The following SLC12A5 variants were observed in gnomAD, a reference collection of about 807,000 sequenced individuals.
SLC12A5 encodes the protein K-Cl cotransporter 2.
A neutral mutation model predicts 124.0 loss-of-function variants in SLC12A5; 18 were observed. The ratio of observed to expected loss-of-function variants is 0.15; its 90% confidence interval spans 0.10 to 0.22. The LOEUF (loss-of-function observed/expected upper bound fraction) is 0.22. Ranked by LOEUF, SLC12A5 falls within the 10% of genes least tolerant of loss-of-function variation. The pLI is 1.00. For synonymous variants in SLC12A5, 589 were observed against 568.0 expected (o/e 1.04, Z -0.53); for missense variants, 867 against 1,478.7 (o/e 0.59, Z 6.78).
chr20:46,029,396 G>A lies in SLC12A5; in HGVS notation c.52G>A (p.Gly18Ser), dbSNP rs1399171674. Residue 18 changes from glycine to serine, a missense_variant and splice_region_variant, in exon 1 of 26, where the codon GGT becomes AGT. This residue lies in a region of SLC12A5 where 58 missense variants were observed against 52.2 expected (regional missense o/e 1.11). Coordinates refer to ENST00000243964, the MANE Select transcript of SLC12A5 (RefSeq NM_020708.5). ...CEDGDGGANP[G>S]DGNPKESSPF... Reference sequence around the variant, plus strand: ...GGACGGCGATGGGGGAGCCAACCCGGGTAAGCTGTGGTCCGGGGGCGGCGG... The same window carrying A: ...GGACGGCGATGGGGGAGCCAACCCGAGTAAGCTGTGGTCCGGGGGCGGCGG... The A allele has an allele frequency of 8.4e-6, 13 of 1,549,430 alleles. No homozygotes were observed. Among genetic ancestry groups the A allele is most frequent in the Middle Eastern group, 1.7e-4 (1 of 5,918 alleles).
At chr20:46,040,638 A>C in intron 7 of SLC12A5, 24 bp downstream of exon 7, 1 of 1,610,652 alleles carries the variant, frequency 6.2e-7, no homozygotes, top group Non-Finnish European at 8.5e-7. Context: ...CTCTGAGCCC[A>C]AGGAATCGTC....
intron 1 of SLC12A5, among the ~76,000 whole-genome samples, chr20:46,031,627 G>A (rs771603237): frequency 2.9e-4 from 44 of 152,166 alleles, no homozygotes; most frequent in Non-Finnish European, 1.3e-4. Context: ...GGGGTCTGAC[G>A]CCCCGTCTCC....
chr20:46,035,101 G>T (rs909624345), intron 2 of SLC12A5, 59 bp downstream of exon 2: 38 of 1,547,560 alleles, frequency 2.5e-5, no homozygotes, highest in Non-Finnish European at 2.7e-5. Context: ...TTCATCAGCT[G>T]CTCTCTCCCT....
intron 1 of SLC12A5, among the ~76,000 whole-genome samples, chr20:46,033,368 C>T (rs1483882265): frequency 2.0e-5 from 3 of 152,092 alleles, no homozygotes; most frequent in Non-Finnish European, 2.9e-5. Flanking sequence ...AATTCAGCCC[C>T]GGAATTGAGG....
intron 5 of SLC12A5, 78 bp from the exon 6 acceptor site, chr20:46,037,177 C>T: frequency 6.6e-7 from 1 of 1,507,422 alleles, no homozygotes; most frequent in Non-Finnish European, 8.9e-7. Flanking sequence ...CCTTCTGCCT[C>T]TGTCACTGAA....
In SLC12A5 at chr20:46,034,994, C is replaced by T. The variant is rs1201917883; in HGVS notation, c.99C>T (p.Asp33=). ...KESSPFINST[D]TEKGKEYDGK... is the part of the protein sequence containing the mutation. ...GCAGTCCCTTCATCAACAGCACCGA[C>T]ACAGAGAAGGGAAAGGAGTATGATG... The change falls in exon 2 of 26, where the codon GAC becomes GAT. Residue 33 remains aspartate (D), a synonymous_variant. Transcript: ENST00000243964. 6.2e-7 allele frequency: 1 copy of T among 1,613,954 alleles called. No individual in the cohort carries two copies. The highest frequency in any genetic ancestry group is 8.5e-7 in the Non-Finnish European group (1 of 1,179,976).
At position 46,058,983 on chromosome 20, in the gene SLC12A5, T is replaced by A. The variant is rs1182333875; in HGVS notation, c.*1378T>A. On this transcript the variant is annotated 3_prime_UTR_variant, in exon 26 of 26. Coordinates refer to ENST00000243964, the MANE Select transcript of SLC12A5 (RefSeq NM_020708.5). The surrounding 1 kb of genome is among the most constrained non-coding windows in gnomAD (Gnocchi z 5.8). Reference sequence around the variant, plus strand: ...CTTTGTCCTTAGCGCCTGTCTGCTCTCCTCTAACTAGGACCCAGGGCCTTT... The same window carrying A: ...CTTTGTCCTTAGCGCCTGTCTGCTCACCTCTAACTAGGACCCAGGGCCTTT... 8.2e-6 allele frequency: 3 copies of A among 365,860 alleles called. No homozygotes were observed. The highest frequency in any genetic ancestry group is 1.5e-5 in the Non-Finnish European group (3 of 206,186). The allele number at this position is 365,860 out of a possible 1,614,324, so 22.7% of individuals were successfully genotyped here.
Position 46,022,973 on chromosome 20 carries a change from AGGAAGAG to A in SLC12A5, c.94_100del (p.Gly32GlufsTer44). Reference sequence around the variant, plus strand: ...GAGGAGGAGGAGGAGGAGGAGGAGGAGGAAGAGGAGGAGGAGGAAGAGGAGGAGGAAG... The same window carrying A: ...GAGGAGGAGGAGGAGGAGGAGGAGGAGAGGAGGAGGAAGAGGAGGAGGAAG... On this transcript the variant is annotated frameshift_variant, in exon 2 of 3. Transcript: ENST00000413737. LOFTEE classifies it high-confidence loss of function. The A allele has an allele frequency of 5.4e-6, 2 of 367,566 alleles. No individual in the cohort carries two copies. Among genetic ancestry groups the A allele is most frequent in the Admixed American group, 5.1e-5 (1 of 19,462 alleles). The allele number at this position is 367,566 out of a possible 1,614,324, so 22.8% of individuals were successfully genotyped here. A position where few individuals can be genotyped will look rare whatever the true frequency, so the allele number is the denominator to read the frequency against.
intron 17 of SLC12A5, 89 bp from the exon 18 acceptor site, chr20:46,051,586 G>A (rs2084646988): frequency 3.3e-6 from 4 of 1,228,048 alleles, no homozygotes; most frequent in East Asian, 4.9e-5. Context: ...ATGAAAGGAG[G>A]GGAGAGATGG....
chr20:46,057,554 G>C lies in SLC12A5; in HGVS notation c.3300G>C (p.Arg1100=), dbSNP rs2084707926. 1.2e-6 allele frequency: 2 copies of C among 1,614,144 alleles called. No homozygotes were observed. Among genetic ancestry groups the C allele is most frequent in the Non-Finnish European group, 1.7e-6 (2 of 1,180,016 alleles). ...AGGTCCTCACAGAGCACCTGGACCG[G>C]GTGATGCTGGTCCGCGGCGGCGGCC... ...FLEVLTEHLD[R]VMLVRGGGRE... Residue 1100 remains arginine, a synonymous_variant, in exon 26 of 26, where the codon CGG becomes CGC. Coordinates refer to ENST00000243964, the MANE Select transcript of SLC12A5 (RefSeq NM_020708.5). The surrounding 1 kb of genome is among the most constrained non-coding windows in gnomAD (Gnocchi z 7.1).
chr20:46,022,870 G>T, intron 1 of SLC12A5: 1 of 399,034 alleles, frequency 2.5e-6, no homozygotes, highest in Non-Finnish European at 4.4e-6. Context: ...CTCATCAGGG[G>T]TCCTCTCCCT....
At chr20:46,055,210 A>G (rs1330619758) in intron 21 of SLC12A5, among the ~76,000 whole-genome samples, 187 bp downstream of exon 21, 1 of 152,196 alleles carries the variant, frequency 6.6e-6, no homozygotes, top group Non-Finnish European at 1.5e-5. Flanking sequence ...CTTCACTGCC[A>G]ACCTCCCAGC....
intron 6 of SLC12A5, among the ~76,000 whole-genome samples, chr20:46,039,540 C>T (rs1160499407): frequency 2.0e-5 from 3 of 152,066 alleles, no homozygotes; most frequent in African/African-American, 2.4e-5. Flanking sequence ...TTTGGGAGGC[C>T]GAGGCAGTTG....
intron 20 of SLC12A5, 73 bp from the exon 21 acceptor site, chr20:46,054,843 C>G: frequency 9.1e-7 from 1 of 1,103,458 alleles, no homozygotes; most frequent in Non-Finnish European, 1.4e-6. Flanking sequence ...GGCCTTTCAC[C>G]TGGGCTCAGA....
At chr20:46,050,371 C>A (rs746841523) in intron 17 of SLC12A5, among the ~76,000 whole-genome samples, 3 of 152,240 alleles carry the variant, frequency 2.0e-5, no homozygotes, top group Non-Finnish European at 4.4e-5. Flanking sequence ...GCTTACAGGG[C>A]AGCCTACAGA....
chr20:46,041,649 T>A, intron 8 of SLC12A5, 109 bp downstream of exon 8: 1 of 1,126,132 alleles, frequency 8.9e-7, no homozygotes, highest in Non-Finnish European at 1.3e-6. Flanking sequence ...CAATCAGCTT[T>A]AATTGAGCAC....
Position 46,057,533 on chromosome 20 carries a change from C to T in SLC12A5, c.3279C>T (p.Val1093=). The T allele has an allele frequency of 1.9e-6, 3 of 1,614,150 alleles. No homozygotes were observed. The highest frequency in any genetic ancestry group is 2.5e-6 in the Non-Finnish European group (3 of 1,180,000). ...GDENYMEFLE[V]LTEHLDRVML... is the part of the protein sequence containing the mutation. The stretch of plus-strand genomic sequence containing the variant: ...TCTCAGACATGGAGTTTCTCGAGGT[C>T]CTCACAGAGCACCTGGACCGGGTGA... The change falls in exon 26 of 26, where the codon GTC becomes GTT. Residue 1093 remains valine, a synonymous_variant. Coordinates refer to ENST00000243964, the MANE Select transcript of SLC12A5 (RefSeq NM_020708.5). The surrounding 1 kb of genome is among the most constrained non-coding windows in gnomAD (Gnocchi z 7.1).
Position 46,045,960 on chromosome 20 carries a change from T to C in SLC12A5, c.1652T>C (p.Ile551Thr). ...TACICEIGIL[I>T]ASLDEVAPIL... is the part of the protein sequence containing the mutation. Reference sequence around the variant, plus strand: ...TGCATCTGCGAGATTGGCATCCTCATTGCATCCCTCGACGAGGTGGCCCCC... The same window carrying C: ...TGCATCTGCGAGATTGGCATCCTCACTGCATCCCTCGACGAGGTGGCCCCC... The change falls in exon 13 of 26, where the codon ATT becomes ACT. Residue 551 changes from isoleucine (I) to threonine (T), a missense_variant. By Grantham distance (89) the Ile-to-Thr change is moderately conservative. Coordinates refer to ENST00000243964, the MANE Select transcript of SLC12A5 (RefSeq NM_020708.5). This position sits in a 1 kb window ranked among gnomAD's most constrained non-coding sequence, Gnocchi z 4.9. 6.2e-7 allele frequency: 1 copy of C among 1,614,162 alleles called. No homozygotes were observed. The highest frequency in any genetic ancestry group is 8.5e-7 in the Non-Finnish European group (1 of 1,180,028).
At chr20:46,046,873 C>A (rs1204088803) in intron 14 of SLC12A5, among the ~76,000 whole-genome samples, 1 of 152,248 alleles carries the variant, frequency 6.6e-6, no homozygotes, top group Non-Finnish European at 1.5e-5. Flanking sequence ...CAGTACATGG[C>A]AGATGCTCAT....
Sources: gnomAD v4.1 joint callset for allele counts (sites outside exome capture counted in the v4.1 genomes callset) on GRCh38, gnomAD v4.1.1 for gene constraint, gnomAD v4.1.1 regional missense constraint, Gnocchi (gnomAD v3.1) non-coding constraint, MANE v1.5 for transcripts, NCBI Gene and HGNC (gene_info 2026-07-23, HGNC 2026-07-21) for gene names.